ADRA1A: variants seen among roughly 807,000 people sequenced by gnomAD.
The protein encoded by ADRA1A is alpha-1A adrenergic receptor.
A neutral mutation model predicts 29.6 loss-of-function variants in ADRA1A; 31 were observed. The observed-to-expected ratio is 1.05, with a 90% CI of 0.79 to 1.41. The LOEUF (loss-of-function observed/expected upper bound fraction) is 1.41, where lower values mean the gene tolerates loss of function less well. Among genes scored for constraint, ADRA1A ranks in the 40% most tolerant of loss-of-function variants. ADRA1A has a pLI of 0.00. For missense variants in ADRA1A, 619 were observed against 601.1 expected (o/e 1.03, Z -0.31); for synonymous variants, 311 against 254.3 (o/e 1.22, Z -2.12).
In ADRA1A at chr8:26,787,349, C is replaced by T. The variant is rs1395605893; in HGVS notation, c.884-16683G>A. 2.6e-5 allele frequency among the ~76,000 whole-genome samples: 4 copies of T among 151,930 alleles called. No homozygotes were observed. Among genetic ancestry groups the T allele is most frequent in the Admixed American group, 1.3e-4 (2 of 15,246 alleles). ...ATTATTAATACAAAAATAAAATTCT[C>T]GAATGTTAATAATTAGGTTTGTTCA... is the stretch of plus-strand genomic sequence containing the variant. On this transcript the variant is annotated intron_variant, in intron 2 of 2. Coordinates refer to ENST00000380573, the MANE Select transcript of ADRA1A (RefSeq NM_000680.4). The surrounding 1 kb of genome is among the most constrained non-coding windows in gnomAD (Gnocchi z 4.2).
chr8:26,818,477 C>G (rs1007818140), intron 2 of ADRA1A, among the ~76,000 whole-genome samples: 4 of 151,994 alleles, frequency 2.6e-5, no homozygotes, highest in African/African-American at 9.7e-5. Flanking sequence ...GAACAATAGA[C>G]CCAGAAAACT....
rs1265163174 is a variant in ADRA1A, at chr8:26,866,380, TG to T, written c.-687+555del. ...GTAGCGGGACTGGCGGGGGACGGGG[TG>T]GGGAGGACGTCCCTCTGCAGAGGGA... is the stretch of plus-strand genomic sequence containing the variant. On this transcript the variant is annotated intron_variant, in intron 1 of 2. Transcript: ENST00000380573. This position sits in a 1 kb window ranked among gnomAD's most constrained non-coding sequence, Gnocchi z 5.7. 1.3e-5 allele frequency among the ~76,000 whole-genome samples: 2 copies of T among 150,254 alleles called. No homozygotes were observed. Among genetic ancestry groups the T allele is most frequent in the African/African-American group, 4.9e-5 (2 of 40,874 alleles).
intron 2 of ADRA1A, among the ~76,000 whole-genome samples, chr8:26,826,803 T>C (rs1810605771): frequency 6.6e-6 from 1 of 152,242 alleles, no homozygotes; most frequent in Non-Finnish European, 1.5e-5. Context: ...CCCAGTCTGA[T>C]TCCTGAATTT....
chr8:26,824,118 A>G (rs1810375632), intron 2 of ADRA1A, among the ~76,000 whole-genome samples: 1 of 152,150 alleles, frequency 6.6e-6, no homozygotes, highest in African/African-American at 2.4e-5. Context: ...GGGGGCAAGG[A>G]AAGAGAAAGG....
rs139785937 is a variant in ADRA1A at position 26,786,163 on chromosome 8, G to A, written c.884-15497C>T. 5.4e-3 allele frequency among the ~76,000 whole-genome samples: 817 copies of A among 152,194 alleles called. 11 individuals are homozygous for A. The highest frequency in any genetic ancestry group is 0.048 in the South Asian group (233 of 4,822). ...GCCATATGATCTGCTCTTGCCTTCC[G>A]CTCCTGGCCTGCCTTTCACTCTCTT... On this transcript the variant is annotated intron_variant, in intron 2 of 2. Coordinates refer to ENST00000380573, the MANE Select transcript of ADRA1A (RefSeq NM_000680.4).
At chr8:26,764,532 C>A (rs1009360585), downstream of ADRA1A, among the ~76,000 whole-genome samples, 1 of 152,128 alleles carries the variant, frequency 6.6e-6, no homozygotes, top group Non-Finnish European at 1.5e-5. Context: ...TGTCGAGAAA[C>A]ACAGTGGACC....
At chr8:26,839,403 C>T (rs1471682361) in intron 2 of ADRA1A, among the ~76,000 whole-genome samples, 1 of 152,092 alleles carries the variant, frequency 6.6e-6, no homozygotes, top group Non-Finnish European at 1.5e-5. Context: ...TGTGATCCAC[C>T]TGCCTCGGCC....
At chr8:26,858,897 T>A (rs1367774886) in intron 2 of ADRA1A, 11 of 352,244 alleles carry the variant, frequency 3.1e-5, no homozygotes, top group Non-Finnish European at 4.9e-5. Context: ...AGCAGGCAAG[T>A]CAGATTCCTC....
At chr8:26,766,071 T>C, downstream of ADRA1A, 4 of 1,613,836 alleles carry the variant, frequency 2.5e-6, no homozygotes, top group Non-Finnish European at 3.4e-6. Context: ...GAACCCTTTC[T>C]CCACGGTGGC....
rs147589333 is a variant in ADRA1A, at chr8:26,759,496, G to A, written c.1270-2717C>T. 2.4e-3 allele frequency among the ~76,000 whole-genome samples: 362 copies of A among 152,220 alleles called. 1 individual carries two copies. Among genetic ancestry groups the A allele is most frequent in the African/African-American group, 8.2e-3 (339 of 41,532 alleles). On this transcript the variant is annotated intron_variant, in intron 2 of 2. Coordinates refer to the ADRA1A transcript ENST00000380582. ...TAATAGCCTTCCTACTTGTCGGATT[G>A]AATTTGGGCATCCTTATTTGTAGAT...
At chr8:26,855,777 G>A (rs752456385) in intron 2 of ADRA1A, among the ~76,000 whole-genome samples, 3 of 152,138 alleles carry the variant, frequency 2.0e-5, no homozygotes, top group African/African-American at 7.2e-5. Flanking sequence ...TTCAAATAGC[G>A]AAGAAATAGA....
chr8:26,791,479 T>G lies in ADRA1A; in HGVS notation c.884-20813A>C, dbSNP rs376721308. ...GATGATGATGGCAGTAAATTATGAGTGCCCACTGGGTGCTAAACTCCTAGA... is the reference window on the plus strand; with the variant it reads ...GATGATGATGGCAGTAAATTATGAGGGCCCACTGGGTGCTAAACTCCTAGA... On this transcript the variant is annotated intron_variant, in intron 2 of 2. Coordinates refer to ENST00000380573, the MANE Select transcript of ADRA1A (RefSeq NM_000680.4). 1.1e-4 allele frequency among the ~76,000 whole-genome samples: 17 copies of G among 152,226 alleles called. No homozygotes were observed. In the South Asian group the frequency reaches 3.5e-3, roughly 32 times the overall value.
intron 2 of ADRA1A, among the ~76,000 whole-genome samples, chr8:26,830,593 T>C (rs1355898923): frequency 2.0e-5 from 3 of 152,214 alleles, no homozygotes; most frequent in African/African-American, 7.2e-5. Context: ...AGAGACAGCA[T>C]AGTTGAACCT....
In ADRA1A at chr8:26,860,296, A is replaced by T. The variant is rs1813359200; in HGVS notation, c.883+3791T>A. Among the ~76,000 whole-genome samples the T allele has an allele frequency of 6.6e-6, 1 of 152,066 alleles. No individual in the cohort carries two copies. The highest frequency in any genetic ancestry group is 2.4e-5 in the African/African-American group (1 of 41,384). ...CCACCACTGCAAGCTCCAAACTCTCAGGCCACCCATCGTCACCTGGGCTCC... is the reference window on the plus strand; with the variant it reads ...CCACCACTGCAAGCTCCAAACTCTCTGGCCACCCATCGTCACCTGGGCTCC... On this transcript the variant is annotated intron_variant, in intron 2 of 2. Transcript: ENST00000380573. This position sits in a 1 kb window ranked among gnomAD's most constrained non-coding sequence, Gnocchi z 4.7.
chr8:26,805,253 C>T lies in ADRA1A; in HGVS notation c.884-34587G>A, dbSNP rs1467430821. Among the ~76,000 whole-genome samples the T allele has an allele frequency of 1.3e-5, 2 of 152,206 alleles. No individual in the cohort carries two copies. The highest frequency in any genetic ancestry group is 2.9e-5 in the Non-Finnish European group (2 of 68,030). The stretch of plus-strand genomic sequence containing the variant: ...TCCTCATTTGTCCACTCTCAATTTA[C>T]ACCTATTGCCTCAGTATGGTTATTA... On this transcript the variant is annotated intron_variant, in intron 2 of 2. Transcript: ENST00000380573. The surrounding 1 kb of genome is among the most constrained non-coding windows in gnomAD (Gnocchi z 4.8).
At chr8:26,748,496 T>G in exon 3 of ADRA1A, 1 of 268,076 alleles carries the variant, frequency 3.7e-6, no homozygotes, top group Non-Finnish European at 7.4e-6. Context: ...ATCCCAGCAC[T>G]TTGGGAGGCT....
intron 2 of ADRA1A, among the ~76,000 whole-genome samples, chr8:26,814,002 C>T (rs977995748): frequency 6.6e-6 from 1 of 152,162 alleles, no homozygotes; most frequent in African/African-American, 2.4e-5. Flanking sequence ...TTGGGGCCCA[C>T]AGATGTGGTT....
intron 2 of ADRA1A, among the ~76,000 whole-genome samples, chr8:26,779,653 T>A (rs111680387): frequency 6.6e-6 from 1 of 152,040 alleles, no homozygotes; most frequent in African/African-American, 2.4e-5. Flanking sequence ...GACACCCTCA[T>A]GTCTATCCTA....
chr8:26,759,038 G>A (rs114757142), intron 2 of ADRA1A, among the ~76,000 whole-genome samples: 1 of 152,226 alleles, frequency 6.6e-6, no homozygotes, highest in African/African-American at 2.4e-5. Context: ...TGCATTATAG[G>A]CAGCAAAATG....
Sources: allele counts gnomAD v4.1 joint callset (sites outside exome capture counted in the v4.1 genomes callset), GRCh38; gene constraint gnomAD v4.1.1; non-coding constraint Gnocchi (gnomAD v3.1); transcripts MANE v1.5; gene names NCBI Gene and HGNC (gene_info 2026-07-23, HGNC 2026-07-21).